KAZN: variants seen among roughly 807,000 people sequenced by gnomAD.
The protein encoded by KAZN is kazrin.
KAZN carries 40 observed loss-of-function variants against 87.4 expected under a neutral mutation model. The ratio of observed to expected loss-of-function variants is 0.46; its 90% CI spans 0.36 to 0.60. KAZN has a LOEUF of 0.60. Among genes scored for constraint, KAZN ranks in the 20% least tolerant of loss-of-function variants. The pLI is 0.00. For missense variants in KAZN, 898 were observed against 1,073.9 expected, an observed-to-expected ratio of 0.84 and a Z score of 2.29; for synonymous variants, 466 against 458.3, an observed-to-expected ratio of 1.02 and a Z score of -0.22.
intron 1 of KAZN, among the ~76,000 whole-genome samples, chr1:13,922,953 TG>T (rs1640121207): frequency 6.6e-6 from 1 of 152,220 alleles, no homozygotes; most frequent in Non-Finnish European, 1.5e-5. Context: ...ATGAGGTTGA[TG>T]GGCTTGCCAG....
chr1:13,961,548 T>C (rs1641753843), intron 1 of KAZN, among the ~76,000 whole-genome samples: 1 of 152,238 alleles, frequency 6.6e-6, no homozygotes, highest in South Asian at 2.1e-4. Context: ...GTTCCCTTTC[T>C]CTCTGTCTCT....
At chr1:14,557,670 T>TGTG (rs1673992530) in intron 2 of KAZN, among the ~76,000 whole-genome samples, 1 of 145,226 alleles carries the variant, frequency 6.9e-6, no homozygotes, top group African/African-American at 2.6e-5. Flanking sequence ...GTGTGTGGTG[T>TGTG]GTGAGAGAGA....
At chr1:15,078,923 G>A (rs889708100) in intron 8 of KAZN, among the ~76,000 whole-genome samples, 3 of 152,204 alleles carry the variant, frequency 2.0e-5, no homozygotes, top group East Asian at 1.9e-4. Flanking sequence ...AATGCTGCTC[G>A]TAAATGTGTT....
intron 2 of KAZN, among the ~76,000 whole-genome samples, chr1:14,314,517 G>A (rs1201510896): frequency 6.6e-6 from 1 of 152,084 alleles, no homozygotes; most frequent in African/African-American, 2.4e-5. Context: ...CATGAGTCTA[G>A]GCCTTTTGGC....
chr1:14,060,342 G>A (rs566265974), intron 1 of KAZN, among the ~76,000 whole-genome samples: 2 of 139,072 alleles, frequency 1.4e-5, no homozygotes, highest in East Asian at 2.1e-4. Context: ...CAGCCTGGGC[G>A]ACAGAGCGAG....
chr1:14,099,838 C>T (rs1359218006), intron 1 of KAZN, among the ~76,000 whole-genome samples: 2 of 152,166 alleles, frequency 1.3e-5, no homozygotes, highest in Non-Finnish European at 2.9e-5. Flanking sequence ...AAATAAATCA[C>T]CTTCTTTATA....
intron 2 of KAZN, among the ~76,000 whole-genome samples, chr1:14,371,244 G>A (rs985658566): frequency 6.6e-6 from 1 of 152,162 alleles, no homozygotes; most frequent in Non-Finnish European, 1.5e-5. Context: ...CTGGTCAGAG[G>A]ACCACACTTT....
At chr1:14,013,553 A>C (rs1162733547) in intron 1 of KAZN, among the ~76,000 whole-genome samples, 1 of 152,158 alleles carries the variant, frequency 6.6e-6, no homozygotes, top group Non-Finnish European at 1.5e-5. Flanking sequence ...TGATAGCCTC[A>C]AACTCCATAA....
intron 1 of KAZN, among the ~76,000 whole-genome samples, chr1:14,774,181 G>T (rs918532968): frequency 6.6e-6 from 1 of 152,148 alleles, no homozygotes; most frequent in Admixed American, 6.5e-5. Context: ...GCAGTCTGGG[G>T]GTGAAACTGG....
chr1:15,013,188 A>C (rs1221903995), intron 2 of KAZN, among the ~76,000 whole-genome samples: 1 of 152,152 alleles, frequency 6.6e-6, no homozygotes, highest in Non-Finnish European at 1.5e-5. Flanking sequence ...ACACGCCTCC[A>C]CTGTGGTCAC....
intron 1 of KAZN, among the ~76,000 whole-genome samples, chr1:14,917,126 CAAA>C (rs1053115533): frequency 1.3e-5 from 2 of 152,126 alleles, no homozygotes; most frequent in African/African-American, 4.8e-5. Flanking sequence ...GGAAAACCAT[CAAA>C]GGGTATCAGT....
chr1:14,440,884 G>A (rs762631383), intron 2 of KAZN, among the ~76,000 whole-genome samples: 37 of 152,288 alleles, frequency 2.4e-4, no homozygotes, highest in Non-Finnish European at 4.9e-4. Context: ...CACGTTCAAC[G>A]CAGATGAGTG....
At chr1:14,624,951 GACA>G (rs542289326) in intron 1 of KAZN, among the ~76,000 whole-genome samples, 34 of 152,028 alleles carry the variant, frequency 2.2e-4, no homozygotes, top group Non-Finnish European at 4.1e-4. Context: ...AACAAACAGG[GACA>G]ACATTTGGTT....
intron 2 of KAZN, among the ~76,000 whole-genome samples, chr1:14,440,002 ACTT>A (rs763757840): frequency 1.4e-4 from 22 of 151,874 alleles, no homozygotes; most frequent in Non-Finnish European, 2.5e-4. Context: ...TTCTGGCTCT[ACTT>A]TTTTCTTTCT....
chr1:14,452,004 G>A (rs905664798), intron 2 of KAZN, among the ~76,000 whole-genome samples: 5 of 152,032 alleles, frequency 3.3e-5, no homozygotes, highest in Non-Finnish European at 5.9e-5. Context: ...CACTGGCTCC[G>A]TCCCGGCCCA....
intron 2 of KAZN, among the ~76,000 whole-genome samples, chr1:14,226,922 G>A (rs1200522512): frequency 2.6e-5 from 4 of 152,130 alleles, no homozygotes; most frequent in Non-Finnish European, 5.9e-5. Flanking sequence ...GAAAGTGTGA[G>A]GAATGTAAAC....
At chr1:15,103,326 G>C (rs1641152900) in intron 11 of KAZN, 33 bp from the exon 12 acceptor site, 1 of 1,516,528 alleles carries the variant, frequency 6.6e-7, no homozygotes, top group Non-Finnish European at 9.0e-7. Context: ...GTGTCCCCTT[G>C]TCCCTCCGAA....
At chr1:14,870,344 T>C (rs1652000427) in intron 1 of KAZN, among the ~76,000 whole-genome samples, 1 of 152,150 alleles carries the variant, frequency 6.6e-6, no homozygotes, top group Non-Finnish European at 1.5e-5. Context: ...GTTTTTTGTT[T>C]TTTGTGTGTT....
chr1:13,978,008 G>A (rs574459304), intron 1 of KAZN, among the ~76,000 whole-genome samples: 1 of 151,892 alleles, frequency 6.6e-6, no homozygotes, highest in Admixed American at 6.6e-5. Context: ...TGCGCCTGTG[G>A]TCCCAGGTGC....
Sources: allele counts gnomAD v4.1 joint callset (sites outside exome capture counted in the v4.1 genomes callset), GRCh38; gene constraint gnomAD v4.1.1; transcripts MANE v1.5; gene names NCBI Gene and HGNC (gene_info 2026-07-23, HGNC 2026-07-21).